Variants in KALRN observed in about 807,000 individuals in gnomAD.
KALRN encodes the protein kalirin.
A neutral mutation model predicts 353.7 loss-of-function variants in KALRN; 70 were observed. The observed-to-expected ratio is 0.20, with a 90% CI of 0.16 to 0.24. The LOEUF is 0.24. Among genes scored for constraint, KALRN ranks in the 10% least tolerant of loss-of-function variants. The pLI, the probability that KALRN is intolerant of heterozygous loss-of-function variation, is 1.00. For missense variants in KALRN, 2,791 were observed against 3,756.7 expected (o/e 0.74, Z 6.72); for synonymous variants, 1,391 against 1,434.8 (o/e 0.97, Z 0.69).
At chr3:124,533,248 T>C (rs1466625093) in intron 33 of KALRN, among the ~76,000 whole-genome samples, 1 of 151,958 alleles carries the variant, frequency 6.6e-6, no homozygotes, top group Non-Finnish European at 1.5e-5. Context: ...TAAAAAATAA[T>C]TTAAAAATTA....
At chr3:124,163,285 G>C (rs972083653) in intron 1 of KALRN, 1 of 152,242 alleles carries the variant, frequency 6.6e-6, no homozygotes. Flanking sequence ...AACTGCGCAC[G>C]ACTTTCCAAC....
At chr3:124,341,661 T>G (rs771378996) in intron 9 of KALRN, among the ~76,000 whole-genome samples, 1 of 152,150 alleles carries the variant, frequency 6.6e-6, no homozygotes, top group Non-Finnish European at 1.5e-5. Flanking sequence ...AGGGGTCAGT[T>G]TGAGCTCAGT....
intron 34 of KALRN, among the ~76,000 whole-genome samples, chr3:124,608,508 G>A (rs563823162): frequency 1.2e-3 from 181 of 152,200 alleles, no homozygotes; most frequent in Middle Eastern, 3.4e-3. Flanking sequence ...GGAAGTCAGC[G>A]GAGAACTTAC....
intron 11 of KALRN, among the ~76,000 whole-genome samples, chr3:124,392,450 A>G: frequency 6.6e-6 from 1 of 152,044 alleles, no homozygotes; most frequent in Non-Finnish European, 1.5e-5. Flanking sequence ...TCCCCATTTT[A>G]CTGATAAAGA....
At chr3:124,552,857 C>T (rs1207351699) in intron 33 of KALRN, among the ~76,000 whole-genome samples, 1 of 152,186 alleles carries the variant, frequency 6.6e-6, no homozygotes, top group Non-Finnish European at 1.5e-5. Context: ...CCTCCGCCTC[C>T]CAGGTTCAAG....
intron 4 of KALRN, among the ~76,000 whole-genome samples, chr3:124,266,411 T>C (rs1034119268): frequency 3.9e-5 from 6 of 152,332 alleles, no homozygotes; most frequent in African/African-American, 1.4e-4. Context: ...ATTACTTTCA[T>C]AATCAAGGAA....
intron 4 of KALRN, among the ~76,000 whole-genome samples, chr3:124,267,645 C>T (rs1318211907): frequency 6.6e-6 from 1 of 152,228 alleles, no homozygotes; most frequent in Admixed American, 6.5e-5. Flanking sequence ...CAGACCAGTC[C>T]TCCTGCCTAT....
At chr3:124,514,478 T>G (rs566352424) in intron 33 of KALRN, among the ~76,000 whole-genome samples, 1 of 152,332 alleles carries the variant, frequency 6.6e-6, no homozygotes, top group East Asian at 1.9e-4. Context: ...GTTAAGCAAC[T>G]AACAGTAACC....
At chr3:124,228,173 G>A (rs1184620969) in intron 2 of KALRN, 109 bp downstream of exon 2, 2 of 906,680 alleles carry the variant, frequency 2.2e-6, no homozygotes, top group Admixed American at 1.7e-5. Flanking sequence ...GGGTGGGGAA[G>A]TTATGCTTGG....
intron 34 of KALRN, among the ~76,000 whole-genome samples, chr3:124,592,726 G>A (rs750689662): frequency 6.6e-6 from 1 of 152,186 alleles, no homozygotes; most frequent in Non-Finnish European, 1.5e-5. Flanking sequence ...GCCCACGGGT[G>A]GCTTGCCTCC....
chr3:124,442,010 C>T lies in KALRN; in HGVS notation c.3264C>T (p.Ser1088=). 1 of 1,607,574 alleles carries T rather than the reference C, an allele frequency of 6.2e-7. No individual in the cohort carries two copies. The highest frequency in any genetic ancestry group is 8.5e-7 in the Non-Finnish European group (1 of 1,175,156). The change falls in exon 19 of 60, where the codon AGC becomes AGT. Residue 1088 remains serine (S), a synonymous_variant. Transcript: ENST00000682506. ...FLKYIHRNNV[S]MPSVASHTRG... ...AGTACATCCACAGGAACAACGTCAG[C>T]ATGCCCAGTGTCGCCAGCCACACTC...
At chr3:124,315,611 G>A (rs1312679662) in intron 6 of KALRN, among the ~76,000 whole-genome samples, 1 of 151,730 alleles carries the variant, frequency 6.6e-6, no homozygotes, top group Non-Finnish European at 1.5e-5. Context: ...CATAACCCAG[G>A]CTATTTGCTG....
intron 2 of KALRN, among the ~76,000 whole-genome samples, chr3:124,230,943 AAAATG>A (rs753635887): frequency 1.8e-4 from 27 of 152,072 alleles, no homozygotes; most frequent in Non-Finnish European, 3.5e-4. Flanking sequence ...AAAATAAAAC[AAAATG>A]AAGAAACCTA....
At chr3:124,179,516 T>C (rs2073263958) in intron 1 of KALRN, among the ~76,000 whole-genome samples, 1 of 152,244 alleles carries the variant, frequency 6.6e-6, no homozygotes, top group South Asian at 2.1e-4. Flanking sequence ...TAAACAAATA[T>C]ATGAACCAGT....
At chr3:124,401,149 G>C (rs1400363242) in intron 13 of KALRN, among the ~76,000 whole-genome samples, 2 of 152,154 alleles carry the variant, frequency 1.3e-5, no homozygotes, top group Admixed American at 1.3e-4. Flanking sequence ...AAAAAATGTG[G>C]GTTTAAATCA....
At chr3:124,571,550 A>C (rs1490710963) in intron 34 of KALRN, among the ~76,000 whole-genome samples, 1 of 152,014 alleles carries the variant, frequency 6.6e-6, no homozygotes, top group Non-Finnish European at 1.5e-5. Flanking sequence ...CATTTTTATT[A>C]CCTTTTATTC....
At chr3:124,698,256 G>A (rs561426132) in intron 55 of KALRN, among the ~76,000 whole-genome samples, 69 of 152,346 alleles carry the variant, frequency 4.5e-4, no homozygotes, top group African/African-American at 1.6e-3. Flanking sequence ...GATTACAGGC[G>A]TAAGCCACCG....
intron 11 of KALRN, among the ~76,000 whole-genome samples, chr3:124,391,389 T>C (rs1344150208): frequency 2.0e-5 from 3 of 152,080 alleles, no homozygotes; most frequent in African/African-American, 4.8e-5. Flanking sequence ...ACACGCGTGG[T>C]TGCTGCTGCC....
intron 36 of KALRN, among the ~76,000 whole-genome samples, chr3:124,634,913 G>T (rs888996012): frequency 6.6e-6 from 1 of 152,116 alleles, no homozygotes; most frequent in Non-Finnish European, 1.5e-5. Flanking sequence ...AGCCTCCTGC[G>T]GGTGTGTCCT....
Sources: gnomAD v4.1 joint callset for allele counts (sites outside exome capture counted in the v4.1 genomes callset) on GRCh38, gnomAD v4.1.1 for gene constraint, MANE v1.5 for transcripts, NCBI Gene and HGNC (gene_info 2026-07-23, HGNC 2026-07-21) for gene names.